MPP7: variants seen among roughly 807,000 people sequenced by gnomAD.
MPP7 encodes the protein MAGUK p55 subfamily member 7.
Under a neutral mutation model 76.5 loss-of-function variants are expected in MPP7, and 60 were observed. The observed-to-expected ratio is 0.78, with a 90% CI of 0.64 to 0.97. The LOEUF (loss-of-function observed/expected upper bound fraction) is 0.97. Among genes scored for constraint, MPP7 ranks in the 50% least tolerant of loss-of-function variants. The pLI is 0.00. For synonymous variants in MPP7, 237 were observed against 244.5 expected (o/e 0.97, Z 0.29); for missense variants, 641 against 694.0 (o/e 0.92, Z 0.86).
intron 2 of MPP7, among the ~76,000 whole-genome samples, chr10:28,224,936 G>T (rs1282219473): frequency 6.6e-6 from 1 of 152,148 alleles, no homozygotes; most frequent in African/African-American, 2.4e-5. Flanking sequence ...CCAGTGCTCT[G>T]TCAGTTGAGA....
chr10:28,319,953 C>G (rs920806001), intron 2 of MPP7, among the ~76,000 whole-genome samples: 2 of 96,724 alleles, frequency 2.1e-5, no homozygotes, highest in Non-Finnish European at 4.3e-5. Context: ...CAGACTCTCT[C>G]TCAAAAACAA....
chr10:28,125,061 C>T lies in MPP7; in HGVS notation c.478G>A (p.Gly160Arg), dbSNP rs776466659. The T allele has an allele frequency of 5.6e-6, 9 of 1,613,988 alleles. No individual in the cohort carries two copies. The highest frequency in any genetic ancestry group is 3.3e-4 in the Middle Eastern group (2 of 6,062). Residue 160 changes from glycine to arginine, a missense_variant, in exon 7 of 17, where the codon GGG becomes AGG. Coordinates refer to ENST00000683449, the MANE Select transcript of MPP7 (RefSeq NM_001318170.2). Reference protein sequence around the residue: ...GATIKKDEQTGAIIVARIMRG... With the variant: ...GATIKKDEQTRAIIVARIMRG... ...ATGATTCTGGCCACAATGATCGCCCCGGTCTGTTCATCCTTCTTAATGGTA... is the reference window on the plus strand; with the variant it reads ...ATGATTCTGGCCACAATGATCGCCCTGGTCTGTTCATCCTTCTTAATGGTA...
chr10:28,266,341 G>C (rs372818252), intron 1 of MPP7, among the ~76,000 whole-genome samples: 1 of 152,160 alleles, frequency 6.6e-6, no homozygotes, highest in African/African-American at 2.4e-5. Context: ...ACTTGAGCCT[G>C]ATTCTAAAGA....
chr10:28,253,458 T>C (rs966312227), intron 1 of MPP7, among the ~76,000 whole-genome samples: 8 of 152,160 alleles, frequency 5.3e-5, no homozygotes, highest in African/African-American at 1.7e-4. Context: ...AGGGCCACAC[T>C]CCAGGTTTGG....
intron 3 of MPP7, among the ~76,000 whole-genome samples, chr10:28,163,427 G>A (rs986237330): frequency 3.9e-5 from 6 of 152,052 alleles, no homozygotes; most frequent in African/African-American, 1.4e-4. Flanking sequence ...TGCTTTCACA[G>A]CACAGTACCA....
chr10:28,118,440 C>T (rs1470312821), intron 11 of MPP7: 4 of 984,686 alleles, frequency 4.1e-6, no homozygotes, highest in South Asian at 4.7e-5. Context: ...TTAAGTGACA[C>T]ATTATCTTAT....
chr10:28,306,502 G>A (rs1259664978), upstream of MPP7, among the ~76,000 whole-genome samples: 1 of 152,046 alleles, frequency 6.6e-6, no homozygotes, highest in Non-Finnish European at 1.5e-5. Flanking sequence ...TTAAAAATTA[G>A]CCAGGTTTGG....
chr10:28,218,474 G>A (rs1393669780), intron 2 of MPP7, among the ~76,000 whole-genome samples: 1 of 152,156 alleles, frequency 6.6e-6, no homozygotes, highest in African/African-American at 2.4e-5. Context: ...AGACAGACAG[G>A]TAAAAGATTG....
intron 5 of MPP7, among the ~76,000 whole-genome samples, chr10:28,140,089 AAT>A (rs1835465049): frequency 6.6e-6 from 1 of 152,224 alleles, no homozygotes; most frequent in African/African-American, 2.4e-5. Context: ...TATCAATGCC[AAT>A]ATGACATACA....
chr10:28,078,981 G>T (rs1336544477), intron 12 of MPP7, among the ~76,000 whole-genome samples: 1 of 152,098 alleles, frequency 6.6e-6, no homozygotes, highest in Non-Finnish European at 1.5e-5. Context: ...TCTTAAAAAG[G>T]TTAAAAATCT....
chr10:28,086,811 CAG>C (rs1337872113), intron 12 of MPP7, among the ~76,000 whole-genome samples: 1 of 152,100 alleles, frequency 6.6e-6, no homozygotes, highest in Non-Finnish European at 1.5e-5. Context: ...GAAAGCCCAC[CAG>C]AGTCTATCCC....
At chr10:28,160,803 T>G (rs1836233390) in intron 3 of MPP7, among the ~76,000 whole-genome samples, 1 of 152,180 alleles carries the variant, frequency 6.6e-6, no homozygotes, top group Non-Finnish European at 1.5e-5. Context: ...GCTTGTGATG[T>G]GTGTGACTCT....
In MPP7 at chr10:28,089,829, T is replaced by G; in HGVS notation, c.965A>C (p.Lys322Thr). The G allele has an allele frequency of 6.6e-7, 1 of 1,513,178 alleles. No homozygotes were observed. Among genetic ancestry groups the G allele is most frequent in the Admixed American group, 1.8e-5 (1 of 56,812 alleles). The allele number at this position is 1,513,178 out of a possible 1,614,324, so 93.7% of individuals were successfully genotyped here. A position where few individuals can be genotyped will look rare whatever the true frequency, so the allele number is the denominator to read the frequency against. ...VSNRKSSGFR[K>T]SFRLSRKDKK... ...ATCTTTTCTACTAAGACGAAAACTT[T>G]TTCTAAAACCAGCTGCAAATATTAA... The change falls in exon 12 of 17, where the codon AAA becomes ACA. Residue 322 changes from lysine (K) to threonine (T), a missense_variant. Physicochemically the swap from Lys to Thr is moderately conservative, Grantham distance 78 (BLOSUM62 -1). Coordinates refer to ENST00000683449, the MANE Select transcript of MPP7 (RefSeq NM_001318170.2).
At chr10:28,330,716 G>A (rs1467899590) in intron 1 of MPP7, among the ~76,000 whole-genome samples, 4 of 152,056 alleles carry the variant, frequency 2.6e-5, no homozygotes, top group African/African-American at 7.2e-5. Context: ...GTGCTGTGGT[G>A]CAATTATAAC....
chr10:28,147,114 T>C (rs374883337), intron 5 of MPP7, among the ~76,000 whole-genome samples: 4 of 152,104 alleles, frequency 2.6e-5, no homozygotes, highest in East Asian at 1.9e-4. Context: ...AATGACCCTA[T>C]AGAAAAATAG....
At chr10:28,251,731 G>A (rs10826435) in intron 1 of MPP7, among the ~76,000 whole-genome samples, 1 of 151,792 alleles carries the variant, frequency 6.6e-6, no homozygotes, top group Non-Finnish European at 1.5e-5. Flanking sequence ...ACCAACACAG[G>A]AGGCCTCTAT....
At chr10:28,098,316 GA>G (rs1041536892) in intron 11 of MPP7, among the ~76,000 whole-genome samples, 6 of 150,552 alleles carry the variant, frequency 4.0e-5, no homozygotes, top group South Asian at 2.1e-4. Flanking sequence ...CAATAAATGG[GA>G]AAAAAAAGAC....
chr10:28,112,458 A>G lies in MPP7; in HGVS notation c.952+7193T>C, dbSNP rs189608480. On this transcript the variant is annotated intron_variant, in intron 11 of 16. Transcript: ENST00000683449. ...CAATCCACAAAAAAATCTGTAATTTATATCACATATAGTACATATTTCACA... is the reference window on the plus strand; with the variant it reads ...CAATCCACAAAAAAATCTGTAATTTGTATCACATATAGTACATATTTCACA... Among the ~76,000 whole-genome samples the G allele has an allele frequency of 1.1e-4, 16 of 152,346 alleles. No homozygotes were observed. In the East Asian group the frequency reaches 3.1e-3, roughly 29 times the overall value.
intron 1 of MPP7, among the ~76,000 whole-genome samples, chr10:28,286,288 G>A (rs1015133808): frequency 1.3e-5 from 2 of 152,020 alleles, no homozygotes; most frequent in Admixed American, 6.6e-5. Flanking sequence ...AGAGCTTGCA[G>A]TGAGCCGAGA....
Sources: gnomAD v4.1 joint callset for allele counts (sites outside exome capture counted in the v4.1 genomes callset) on GRCh38, gnomAD v4.1.1 for gene constraint, MANE v1.5 for transcripts, NCBI Gene and HGNC (gene_info 2026-07-23, HGNC 2026-07-21) for gene names.